Variants in SH2D3C observed in about 807,000 individuals in gnomAD.
SH2D3C encodes the protein SH2 domain containing 3C, also known as SH2 domain-containing protein 3C.
A neutral mutation model predicts 75.2 loss-of-function variants in SH2D3C; 25 were observed. The ratio of observed to expected loss-of-function variants is 0.33; its 90% CI spans 0.24 to 0.46. The LOEUF is 0.46. Ranked by LOEUF, SH2D3C falls within the 20% of genes least tolerant of loss-of-function variation. The pLI is 1.00. For missense variants in SH2D3C, 933 were observed against 1,165.3 expected, an observed-to-expected ratio of 0.80 and a Z score of 2.90; for synonymous variants, 450 against 473.7, an observed-to-expected ratio of 0.95 and a Z score of 0.65.
At chr9:127,755,646 T>C (rs776250624) in intron 3 of SH2D3C, among the ~76,000 whole-genome samples, 1 of 152,204 alleles carries the variant, frequency 6.6e-6, no homozygotes, top group African/African-American at 2.4e-5. Context: ...CTCTGTGGCC[T>C]CAGGAAATCT....
chr9:127,773,913 G>T (rs1197888198), intron 2 of SH2D3C, 77 bp downstream of exon 2: 7 of 834,836 alleles, frequency 8.4e-6, no homozygotes, highest in Non-Finnish European at 1.3e-5. Flanking sequence ...GCGACACTCT[G>T]TGTCAAAAAA....
rs571887895 is a variant in SH2D3C at position 127,744,598 on chromosome 9, G to A, written c.1766C>T (p.Thr589Met). The stretch of plus-strand genomic sequence containing the variant: ...CACCTTGGTGACATGCCGGGCCAGC[G>A]TCCGGGCATCCACTTCTGCCAGCAG... Reference protein sequence around the residue: ...KELLAEVDARTLARHVTKVDC... With the variant: ...KELLAEVDARMLARHVTKVDC... Residue 589 changes from threonine to methionine, a missense_variant, in exon 7 of 12, where the codon ACG (threonine) becomes ATG (methionine). Coordinates refer to ENST00000314830, the MANE Select transcript of SH2D3C (RefSeq NM_170600.3). 22 of 1,612,224 alleles carry A rather than the reference G, an allele frequency of 1.4e-5. No homozygotes were observed. The highest frequency in any genetic ancestry group is 1.2e-4 in the African/African-American group (9 of 75,000).
rs558897372 is a variant in SH2D3C, at chr9:127,777,127, A to G, written c.37+1464T>C. On this transcript the variant is annotated intron_variant, in intron 1 of 11. Coordinates refer to ENST00000314830, the MANE Select transcript of SH2D3C (RefSeq NM_170600.3). ...CTCAGCGTTGCCATCTGGGAAATGC[A>G]GTCATAATCGCCTCAGCATTGCCAT... is the stretch of plus-strand genomic sequence containing the variant. Among the ~76,000 whole-genome samples the G allele has an allele frequency of 2.0e-5, 3 of 151,596 alleles. No homozygotes were observed. In the East Asian group the frequency reaches 5.8e-4, roughly 29 times the overall value.
rs570573945 is a variant in SH2D3C at position 127,759,875 on chromosome 9, C to T, written c.555+1736G>A. Among the ~76,000 whole-genome samples, 16 of 149,572 alleles carry T rather than the reference C, an allele frequency of 1.1e-4. 1 individual carries two copies. Among genetic ancestry groups the T allele is most frequent in the African/African-American group, 4.0e-4 (16 of 40,482 alleles). On this transcript the variant is annotated intron_variant, in intron 3 of 11. Coordinates refer to ENST00000314830, the MANE Select transcript of SH2D3C (RefSeq NM_170600.3). ...GCAGGCACCTATAGTCCCAGCTACTCGGGAGGCTGAGGCAGGAGAATGGTG... is the reference window on the plus strand; with the variant it reads ...GCAGGCACCTATAGTCCCAGCTACTTGGGAGGCTGAGGCAGGAGAATGGTG...
At chr9:127,740,204 T>C in intron 10 of SH2D3C, 54 bp downstream of exon 10, 1 of 1,470,344 alleles carries the variant, frequency 6.8e-7, no homozygotes, top group Middle Eastern at 1.7e-4. Flanking sequence ...CTGGGAGTCT[T>C]TGCAACCCCA....
At position 127,774,612 on chromosome 9, in the gene SH2D3C, C is replaced by T; in HGVS notation, c.38-145G>A. On this transcript the variant is annotated intron_variant, in intron 1 of 11. Transcript: ENST00000314830. This position sits in a 1 kb window ranked among gnomAD's most constrained non-coding sequence, Gnocchi z 4.3. ...CACCCCTTCTAAAATTGTTAACACG[C>T]CCCTAGAAATGGTATAAGATGGGAG... 1 of 605,916 alleles carries T rather than the reference C, an allele frequency of 1.7e-6. No individual in the cohort carries two copies. Among genetic ancestry groups the T allele is most frequent in the Non-Finnish European group, 2.9e-6 (1 of 340,386 alleles). The allele number at this position is 605,916 out of a possible 1,614,324, so 37.5% of individuals were successfully genotyped here.
At chr9:127,776,384 G>A (rs1189810393) in intron 1 of SH2D3C, among the ~76,000 whole-genome samples, 1 of 151,762 alleles carries the variant, frequency 6.6e-6, no homozygotes. Context: ...GGAATGAGGA[G>A]GGGGTTGTTG....
At chr9:127,746,000 C>T (rs1036142125) in intron 6 of SH2D3C, among the ~76,000 whole-genome samples, 10 of 152,156 alleles carry the variant, frequency 6.6e-5, no homozygotes, top group African/African-American at 2.4e-4. Context: ...CCTCATTCTA[C>T]AGATGAGAAA....
chr9:127,759,624 G>A (rs547898677), intron 3 of SH2D3C, among the ~76,000 whole-genome samples: 33 of 152,316 alleles, frequency 2.2e-4, no homozygotes, highest in African/African-American at 7.5e-4. Flanking sequence ...TGAGGCAGGA[G>A]GATCACTTGA....
chr9:127,739,917 A>G lies in SH2D3C; in HGVS notation c.2201-29T>C, dbSNP rs2131730435. On this transcript the variant is annotated intron_variant, in intron 10 of 11. Transcript: ENST00000314830. This position sits in a 1 kb window ranked among gnomAD's most constrained non-coding sequence, Gnocchi z 4.3. ...CAAGGAGAAAGGCAGCAGGCGCTTA[A>G]AGATCCTGTAGTGCCCCACCATCCA... 6.7e-7 allele frequency: 1 copy of G among 1,491,790 alleles called. No homozygotes were observed. The allele number at this position is 1,491,790 out of a possible 1,614,324, so 92.4% of individuals were successfully genotyped here.
chr9:127,774,042 G>A lies in SH2D3C; in HGVS notation c.463C>T (p.Pro155Ser). 1 of 1,614,142 alleles carries A rather than the reference G, an allele frequency of 6.2e-7. No homozygotes were observed. The highest frequency in any genetic ancestry group is 1.1e-5 in the South Asian group (1 of 91,084). The change falls in exon 2 of 12, where the codon CCC (proline) becomes TCC (serine). Residue 155 changes from proline to serine, a missense_variant. Pro to Ser is a moderately conservative substitution (Grantham distance 74). Transcript: ENST00000314830. This position sits in a 1 kb window ranked among gnomAD's most constrained non-coding sequence, Gnocchi z 4.3. ...CTCTCCTCTTCTACGTCTCCTGTGG[G>A]GACCTCAGGCTTTCTGATGGGGTCT... is the stretch of plus-strand genomic sequence containing the variant. ...EVDPIRKPEV[P>S]TGDVEEERPP...
rs894204290 is a variant in SH2D3C, at chr9:127,739,942, A to G, written c.2201-54T>C. 10 of 1,442,116 alleles carry G rather than the reference A, an allele frequency of 6.9e-6. No homozygotes were observed. In the African/African-American group the frequency reaches 1.1e-4, roughly 16 times the overall value. The allele number at this position is 1,442,116 out of a possible 1,614,324, so 89.3% of individuals were successfully genotyped here. ...AAGATCCTGTAGTGCCCCACCATCC[A>G]CTGCAGTCCTGGAAGCTGAGGTGCA... On this transcript the variant is annotated intron_variant, in intron 10 of 11. Transcript: ENST00000314830. This position sits in a 1 kb window ranked among gnomAD's most constrained non-coding sequence, Gnocchi z 4.3.
chr9:127,752,228 T>A (rs150826931), intron 3 of SH2D3C, among the ~76,000 whole-genome samples: 412 of 152,284 alleles, frequency 2.7e-3, no homozygotes, highest in African/African-American at 5.8e-3. Flanking sequence ...AGCCCAATCC[T>A]GGCTGTGCCT....
In SH2D3C at chr9:127,739,042, T is replaced by C; in HGVS notation, c.2408-121A>G. On this transcript the variant is annotated intron_variant, in intron 11 of 11. Coordinates refer to ENST00000314830, the MANE Select transcript of SH2D3C (RefSeq NM_170600.3). This position sits in a 1 kb window ranked among gnomAD's most constrained non-coding sequence, Gnocchi z 4.3. ...ACTCCGCCAGGGATCCAACAAGGTT[T>C]GTGAATCAACACGACCCTGTAGTTT... 1.2e-6 allele frequency: 1 copy of C among 850,270 alleles called. No homozygotes were observed. 52.7% of individuals were successfully genotyped at this position (850,270 alleles called of 1,614,324 possible). A position where few individuals can be genotyped will look rare whatever the true frequency, so the allele number is the denominator to read the frequency against.
intron 6 of SH2D3C, among the ~76,000 whole-genome samples, chr9:127,746,050 C>T (rs1845020540): frequency 6.6e-6 from 1 of 152,184 alleles, no homozygotes; most frequent in Non-Finnish European, 1.5e-5. Context: ...CCCAAGGTCA[C>T]CCAGCCAGCA....
chr9:127,766,559 T>TTTTGTTG (rs563060746), intron 2 of SH2D3C, among the ~76,000 whole-genome samples: 1 of 151,946 alleles, frequency 6.6e-6, no homozygotes, highest in Non-Finnish European at 1.5e-5. Flanking sequence ...TCCTTCCTGT[T>TTTTGTTG]TTTGTTTGTT....
chr9:127,754,986 A>C lies in SH2D3C; in HGVS notation c.556-3686T>G. ...AGCCCGACCCTGCCGGGCGCCGCTG[A>C]GCTGCAGCTCCCCGGCTGGCTCTAG... On this transcript the variant is annotated intron_variant, in intron 3 of 11. Coordinates refer to ENST00000314830, the MANE Select transcript of SH2D3C (RefSeq NM_170600.3). The surrounding 1 kb of genome is among the most constrained non-coding windows in gnomAD (Gnocchi z 4.4). 5 of 550,698 alleles carry C rather than the reference A, an allele frequency of 9.1e-6. No individual in the cohort carries two copies. Among genetic ancestry groups the C allele is most frequent in the Non-Finnish European group, 1.1e-5 (4 of 380,460 alleles). 34.1% of individuals were successfully genotyped at this position (550,698 alleles called of 1,614,324 possible). A position where few individuals can be genotyped will look rare whatever the true frequency, so the allele number is the denominator to read the frequency against.
intron 1 of SH2D3C, among the ~76,000 whole-genome samples, chr9:127,776,883 G>A (rs1266574966): frequency 2.0e-5 from 3 of 152,232 alleles, no homozygotes; most frequent in Non-Finnish European, 4.4e-5. Context: ...GTCGGCAAAT[G>A]TGGCCGCTCT....
At chr9:127,772,326 C>T (rs992211685) in intron 2 of SH2D3C, among the ~76,000 whole-genome samples, 1 of 150,860 alleles carries the variant, frequency 6.6e-6, no homozygotes, top group Non-Finnish European at 1.5e-5. Context: ...TCACTGCAAC[C>T]TCTGCCTCCC....
Sources: allele counts gnomAD v4.1 joint callset (sites outside exome capture counted in the v4.1 genomes callset), GRCh38; gene constraint gnomAD v4.1.1; non-coding constraint Gnocchi (gnomAD v3.1); transcripts MANE v1.5; gene names NCBI Gene and HGNC (gene_info 2026-07-23, HGNC 2026-07-21).